The following PDE3A variants were observed in gnomAD, a reference collection of about 807,000 sequenced individuals.
PDE3A encodes the protein cGMP-inhibited 3',5'-cyclic phosphodiesterase 3A.
PDE3A carries 43 observed loss-of-function variants against 98.3 expected under a neutral mutation model. The ratio of observed to expected loss-of-function variants is 0.44; its 90% CI spans 0.34 to 0.56. The LOEUF (loss-of-function observed/expected upper bound fraction) is 0.56. Among genes scored for constraint, PDE3A ranks in the 20% least tolerant of loss-of-function variants. The pLI is 0.01. For missense variants in PDE3A, 1,427 were observed against 1,440.7 expected (o/e 0.99, Z 0.15); for synonymous variants, 663 against 567.9 (o/e 1.17, Z -2.38).
chr12:20,497,524 T>G (rs1284841486), intron 1 of PDE3A, among the ~76,000 whole-genome samples: 1 of 149,764 alleles, frequency 6.7e-6, no homozygotes, highest in Admixed American at 6.7e-5. Context: ...CTACAAATTG[T>G]GCCCTAAAAA....
Position 20,606,471 on chromosome 12 carries a change from G to A in PDE3A, c.1012-6972G>A, listed in dbSNP as rs185580518. 1.9e-4 allele frequency among the ~76,000 whole-genome samples: 29 copies of A among 152,118 alleles called. No homozygotes were observed. In the East Asian group the frequency reaches 5.0e-3, roughly 26 times the overall value. On this transcript the variant is annotated intron_variant, in intron 2 of 15. Coordinates refer to ENST00000359062, the MANE Select transcript of PDE3A (RefSeq NM_000921.5). The stretch of plus-strand genomic sequence containing the variant: ...GAAACTTAGATGCCTTTTATAGCAC[G>A]CAAATACCTTTTGACCTCCACACAT...
At chr12:20,673,593 T>A (rs1268363497) in intron 15 of PDE3A, among the ~76,000 whole-genome samples, 1 of 150,146 alleles carries the variant, frequency 6.7e-6, no homozygotes, top group Non-Finnish European at 1.5e-5. Context: ...AGTAAACTAT[T>A]GCAAGAACAA....
intron 1 of PDE3A, among the ~76,000 whole-genome samples, chr12:20,523,474 A>C (rs1340366712): frequency 7.2e-5 from 11 of 152,214 alleles, no homozygotes; most frequent in Non-Finnish European, 1.5e-4. Context: ...TTGAACTTTC[A>C]ACAGGCAAAT....
At chr12:20,452,235 ATTG>A (rs1298790321) in intron 1 of PDE3A, among the ~76,000 whole-genome samples, 1 of 152,192 alleles carries the variant, frequency 6.6e-6, no homozygotes, top group African/African-American at 2.4e-5. Context: ...TGTCTTGTTC[ATTG>A]TTCTTCTTAG....
At chr12:20,628,682 G>T (rs1259214005) in intron 5 of PDE3A, among the ~76,000 whole-genome samples, 4 of 152,200 alleles carry the variant, frequency 2.6e-5, no homozygotes, top group Admixed American at 2.6e-4. Flanking sequence ...AGAAGGGGTT[G>T]CTGCTCTTCA....
At chr12:20,556,799 G>T (rs4762972) in intron 2 of PDE3A, 89 bp downstream of exon 2, 1 of 948,372 alleles carries the variant, frequency 1.1e-6, no homozygotes, top group Non-Finnish European at 1.7e-6. Flanking sequence ...AATAAAATGT[G>T]GAGCGAGGAA....
chr12:20,413,896 A>C (rs1179644825), intron 1 of PDE3A, among the ~76,000 whole-genome samples: 1 of 152,084 alleles, frequency 6.6e-6, no homozygotes, highest in Non-Finnish European at 1.5e-5. Context: ...AAATAGATGG[A>C]CTTTAGAGAC....
intron 1 of PDE3A, among the ~76,000 whole-genome samples, chr12:20,410,427 T>G (rs1662681223): frequency 6.6e-6 from 1 of 152,196 alleles, no homozygotes; most frequent in African/African-American, 2.4e-5. Context: ...ATTTCTGTTC[T>G]TTCTGCTAGT....
At chr12:20,650,868 A>G (rs1270624473) in intron 14 of PDE3A, among the ~76,000 whole-genome samples, 1 of 152,110 alleles carries the variant, frequency 6.6e-6, no homozygotes, top group East Asian at 1.9e-4. Context: ...TGTTAGGAAG[A>G]TCCTTGAAAT....
chr12:20,372,617 A>G (rs962220699), intron 1 of PDE3A, among the ~76,000 whole-genome samples: 1 of 152,180 alleles, frequency 6.6e-6, no homozygotes, highest in Non-Finnish European at 1.5e-5. Context: ...ATAAGGAAAC[A>G]AACTTCTGAT....
At chr12:20,471,273 T>A (rs1945435635) in intron 1 of PDE3A, among the ~76,000 whole-genome samples, 1 of 152,152 alleles carries the variant, frequency 6.6e-6, no homozygotes. Flanking sequence ...TGTCTACAAG[T>A]GGTTTTCAGC....
intron 5 of PDE3A, among the ~76,000 whole-genome samples, chr12:20,621,662 C>T (rs961484952): frequency 1.3e-5 from 2 of 152,008 alleles, no homozygotes; most frequent in African/African-American, 4.8e-5. Context: ...TAATTAGATG[C>T]ATAGGAAATC....
At chr12:20,484,146 T>C (rs1945680750) in intron 1 of PDE3A, among the ~76,000 whole-genome samples, 1 of 152,188 alleles carries the variant, frequency 6.6e-6, no homozygotes, top group African/African-American at 2.4e-5. Flanking sequence ...TTTCTTTATA[T>C]AGTAGGTCAT....
intron 1 of PDE3A, among the ~76,000 whole-genome samples, chr12:20,402,351 G>A (rs1944148490): frequency 6.6e-6 from 1 of 151,944 alleles, no homozygotes; most frequent in African/African-American, 2.4e-5. Context: ...GTTTTGCTAT[G>A]TTGGCCAGAC....
At chr12:20,535,786 G>A (rs564569238) in intron 1 of PDE3A, among the ~76,000 whole-genome samples, 1 of 152,032 alleles carries the variant, frequency 6.6e-6, no homozygotes, top group Non-Finnish European at 1.5e-5. Context: ...TATGTAAAGG[G>A]TAACATATTG....
chr12:20,499,887 T>G (rs1019462778), intron 1 of PDE3A, among the ~76,000 whole-genome samples: 2 of 152,188 alleles, frequency 1.3e-5, no homozygotes, highest in Non-Finnish European at 2.9e-5. Context: ...TGTACGCTTG[T>G]TAATCCTCAC....
At chr12:20,407,340 G>T (rs1450998776) in intron 1 of PDE3A, among the ~76,000 whole-genome samples, 3 of 152,188 alleles carry the variant, frequency 2.0e-5, no homozygotes, top group Non-Finnish European at 4.4e-5. Flanking sequence ...TACATGGTTA[G>T]GTTCAGCATG....
At chr12:20,620,875 A>G (rs1944116711) in intron 4 of PDE3A, among the ~76,000 whole-genome samples, 1 of 152,178 alleles carries the variant, frequency 6.6e-6, no homozygotes, top group South Asian at 2.1e-4. Context: ...TTGAATACAG[A>G]TCCACCAAAA....
At chr12:20,479,703 G>A (rs1945590309) in intron 1 of PDE3A, among the ~76,000 whole-genome samples, 1 of 152,192 alleles carries the variant, frequency 6.6e-6, no homozygotes, top group South Asian at 2.1e-4. Flanking sequence ...TTTGGAAAGT[G>A]ATATTACACT....
Sources: allele counts gnomAD v4.1 joint callset (sites outside exome capture counted in the v4.1 genomes callset), GRCh38; gene constraint gnomAD v4.1.1; transcripts MANE v1.5; gene names NCBI Gene and HGNC (gene_info 2026-07-23, HGNC 2026-07-21).